PAFAH1B1: variants seen among roughly 807,000 people sequenced by gnomAD.
PAFAH1B1 encodes platelet activating factor acetylhydrolase 1b regulatory subunit 1, also known as platelet-activating factor acetylhydrolase IB subunit beta.
PAFAH1B1 carries 2 observed loss-of-function variants against 57.5 expected under a neutral mutation model. The observed-to-expected ratio is 0.03, with a 90% CI of 0.01 to 0.11. PAFAH1B1 has a LOEUF of 0.11. PAFAH1B1 is among the 10% of genes least tolerant of loss of function. PAFAH1B1 has a pLI of 1.00. For missense variants in PAFAH1B1, 257 were observed against 512.0 expected, an observed-to-expected ratio of 0.50 and a Z score of 4.81; for synonymous variants, 152 against 169.6, an observed-to-expected ratio of 0.90 and a Z score of 0.81.
At chr17:2,677,232 A>G (rs984620194) in intron 9 of PAFAH1B1, among the ~76,000 whole-genome samples, 4 of 152,230 alleles carry the variant, frequency 2.6e-5, no homozygotes, top group Non-Finnish European at 5.9e-5. Flanking sequence ...TCACTGTTGA[A>G]GATGTTTGTT....
At chr17:2,637,026 C>G (rs1272189420) in intron 1 of PAFAH1B1, among the ~76,000 whole-genome samples, 1 of 152,130 alleles carries the variant, frequency 6.6e-6, no homozygotes, top group African/African-American at 2.4e-5. Context: ...CACCCCGCCT[C>G]TCATTCTTCT....
chr17:2,673,268 A>T (rs2069207940), intron 7 of PAFAH1B1, among the ~76,000 whole-genome samples: 1 of 152,174 alleles, frequency 6.6e-6, no homozygotes, highest in South Asian at 2.1e-4. Context: ...TATGTCCTTG[A>T]GAAGCATTTC....
At chr17:2,661,206 C>T (rs1391402311) in intron 2 of PAFAH1B1, among the ~76,000 whole-genome samples, 1 of 152,072 alleles carries the variant, frequency 6.6e-6, no homozygotes, top group Non-Finnish European at 1.5e-5. Context: ...GCTTTTGATG[C>T]AGTTGCTTTT....
chr17:2,673,414 C>T (rs889633373), intron 7 of PAFAH1B1, among the ~76,000 whole-genome samples: 19 of 151,902 alleles, frequency 1.3e-4, no homozygotes, highest in African/African-American at 3.1e-4. Context: ...CAGAGGCGGG[C>T]GGATCATGAG....
rs1054185814 is a variant in PAFAH1B1 at position 2,684,060 on chromosome 17, G to A, written c.*2258G>A. On this transcript the variant is annotated 3_prime_UTR_variant, in exon 11 of 11. Coordinates refer to ENST00000397195, the MANE Select transcript of PAFAH1B1 (RefSeq NM_000430.4). The stretch of plus-strand genomic sequence containing the variant: ...TTGCGTTGACAAAGGAGGAGGAAAC[G>A]ATTACTCTGTAAACAAAGTTATCCT... 3 of 152,626 alleles carry A rather than the reference G, an allele frequency of 2.0e-5. No homozygotes were observed. Among genetic ancestry groups the A allele is most frequent in the African/African-American group, 4.8e-5 (2 of 41,444 alleles). The allele number at this position is 152,626 out of a possible 1,614,324, so 9.5% of individuals were successfully genotyped here.
intron 8 of PAFAH1B1, 94 bp from the exon 9 acceptor site, chr17:2,676,411 A>G: frequency 2.4e-6 from 2 of 831,104 alleles, no homozygotes; most frequent in Non-Finnish European, 4.1e-6. Flanking sequence ...CAACAAAAAA[A>G]TTGGAAATAT....
rs530975429 is a variant in PAFAH1B1 at position 2,601,254 on chromosome 17, C to T, written c.-191+7248C>T. ...GGTTCAAGTGATTTTCCTGCCTCAG[C>T]CTTCTGAATAGCTGGGATTACAGGC... On this transcript the variant is annotated intron_variant, in intron 1 of 10. Coordinates refer to ENST00000397195, the MANE Select transcript of PAFAH1B1 (RefSeq NM_000430.4). Among the ~76,000 whole-genome samples, 3 of 151,922 alleles carry T rather than the reference C, an allele frequency of 2.0e-5. No individual in the cohort carries two copies. In the East Asian group the frequency reaches 5.8e-4, roughly 29 times the overall value.
intron 1 of PAFAH1B1, among the ~76,000 whole-genome samples, chr17:2,605,693 C>T (rs1038597539): frequency 6.6e-6 from 1 of 152,124 alleles, no homozygotes; most frequent in African/African-American, 2.4e-5. Context: ...TTTTTTCCAC[C>T]TGGAAGAAAC....
At chr17:2,624,808 A>G (rs2068468056) in intron 1 of PAFAH1B1, among the ~76,000 whole-genome samples, 1 of 152,098 alleles carries the variant, frequency 6.6e-6, no homozygotes. Flanking sequence ...CCATCAAAAT[A>G]TTGGAATTAC....
chr17:2,606,647 C>T (rs1335702934), intron 1 of PAFAH1B1, among the ~76,000 whole-genome samples: 2 of 151,952 alleles, frequency 1.3e-5, no homozygotes, highest in East Asian at 1.9e-4. Flanking sequence ...AGCCACCATG[C>T]CTGGCTAAAA....
chr17:2,647,622 C>T (rs138843602), intron 2 of PAFAH1B1, among the ~76,000 whole-genome samples: 5 of 152,250 alleles, frequency 3.3e-5, no homozygotes, highest in Admixed American at 6.5e-5. Context: ...GGAATCCAGT[C>T]GGATATGAAA....
intron 4 of PAFAH1B1, 69 bp from the exon 5 acceptor site, chr17:2,666,923 G>GT: frequency 1.2e-5 from 15 of 1,267,910 alleles, no homozygotes; most frequent in Non-Finnish European, 1.6e-5. Context: ...AATAAAGGCA[G>GT]TTTTTTAAAA....
intron 2 of PAFAH1B1, among the ~76,000 whole-genome samples, chr17:2,661,805 A>G (rs2069017413): frequency 6.6e-6 from 1 of 152,110 alleles, no homozygotes; most frequent in African/African-American, 2.4e-5. Flanking sequence ...TTTGTAAAAT[A>G]CTATTATTGG....
At chr17:2,647,984 A>G (rs1034522083) in intron 2 of PAFAH1B1, among the ~76,000 whole-genome samples, 3 of 152,214 alleles carry the variant, frequency 2.0e-5, no homozygotes, top group African/African-American at 7.2e-5. Context: ...AGTCTGGGCA[A>G]CAGAGTGAGA....
chr17:2,615,203 T>C (rs1321853747), intron 1 of PAFAH1B1, among the ~76,000 whole-genome samples: 4 of 152,214 alleles, frequency 2.6e-5, no homozygotes, highest in Non-Finnish European at 4.4e-5. Context: ...TATGAGAGTA[T>C]ATGTGTAGGT....
intron 1 of PAFAH1B1, among the ~76,000 whole-genome samples, chr17:2,601,050 G>A (rs1389457786): frequency 6.6e-6 from 1 of 152,036 alleles, no homozygotes; most frequent in African/African-American, 2.4e-5. Flanking sequence ...CTTTTTATGG[G>A]TGAGGAAAGG....
At chr17:2,638,362 T>C in intron 2 of PAFAH1B1, 42 bp downstream of exon 2, 1 of 1,550,522 alleles carries the variant, frequency 6.4e-7, no homozygotes, top group Non-Finnish European at 8.9e-7. Context: ...ATCTCCCTCA[T>C]GAGAGAGAAA....
intron 2 of PAFAH1B1, chr17:2,639,761 T>C (rs2068672857): frequency 6.6e-6 from 1 of 152,170 alleles, no homozygotes. Context: ...TGCGCCCAGC[T>C]AATTTTTGTA....
At chr17:2,646,689 C>T (rs943625630) in intron 2 of PAFAH1B1, among the ~76,000 whole-genome samples, 1 of 152,026 alleles carries the variant, frequency 6.6e-6, no homozygotes, top group Non-Finnish European at 1.5e-5. Context: ...ATCTGAATGA[C>T]CTGGGTGCTT....
Sources: gnomAD v4.1 joint callset for allele counts (sites outside exome capture counted in the v4.1 genomes callset) on GRCh38, gnomAD v4.1.1 for gene constraint, MANE v1.5 for transcripts, NCBI Gene and HGNC (gene_info 2026-07-23, HGNC 2026-07-21) for gene names.